Variants in FARS2 observed in about 807,000 individuals in gnomAD.
FARS2 encodes the protein phenylalanine--tRNA ligase, mitochondrial.
In FARS2, 40 loss-of-function variants were observed where a neutral mutation model predicts 46.4. The observed-to-expected ratio is 0.86, with a 90% CI of 0.67 to 1.12. FARS2 has a LOEUF of 1.12. Among genes scored for constraint, FARS2 ranks in the 50% most tolerant of loss-of-function variants. FARS2 has a pLI of 0.00. For synonymous variants in FARS2, 234 were observed against 214.9 expected (o/e 1.09, Z -0.78); for missense variants, 513 against 567.9 (o/e 0.90, Z 0.98).
At chr6:5,760,418 C>T (rs568616045) in intron 6 of FARS2, among the ~76,000 whole-genome samples, 1 of 152,136 alleles carries the variant, frequency 6.6e-6, no homozygotes, top group Non-Finnish European at 1.5e-5. Context: ...CTCAGTAGTT[C>T]TCTCTTATTT....
intron 1 of FARS2, among the ~76,000 whole-genome samples, chr6:5,341,756 C>T (rs1355668530): frequency 6.6e-6 from 1 of 152,010 alleles, no homozygotes; most frequent in Non-Finnish European, 1.5e-5. Context: ...TGACCTCAGG[C>T]GATCCACCCA....
intron 6 of FARS2, among the ~76,000 whole-genome samples, chr6:5,761,996 G>A (rs1166863086): frequency 6.6e-6 from 1 of 152,156 alleles, no homozygotes; most frequent in Non-Finnish European, 1.5e-5. Flanking sequence ...TCAATATAAT[G>A]TGGGTTCCCA....
chr6:5,373,602 C>T (rs879458790), intron 2 of FARS2, among the ~76,000 whole-genome samples: 1 of 152,056 alleles, frequency 6.6e-6, no homozygotes, highest in African/African-American at 2.4e-5. Flanking sequence ...ATGTTTATGC[C>T]ATTGTATTCA....
At chr6:5,497,123 G>A (rs559794490) in intron 4 of FARS2, among the ~76,000 whole-genome samples, 6 of 152,234 alleles carry the variant, frequency 3.9e-5, no homozygotes, top group South Asian at 2.1e-4. Flanking sequence ...ATGAAATCTC[G>A]TGTATGATGA....
chr6:5,474,133 G>A (rs994656596), intron 4 of FARS2, among the ~76,000 whole-genome samples: 2 of 152,070 alleles, frequency 1.3e-5, no homozygotes, highest in Non-Finnish European at 2.9e-5. Context: ...CATACTTCTC[G>A]AGCCATCATC....
rs141449149 is a variant in FARS2 at position 5,453,423 on chromosome 6, C to T, written c.904+22251C>T. Among the ~76,000 whole-genome samples the T allele has an allele frequency of 3.4e-3, 516 of 152,316 alleles. 6 individuals are homozygous for T. Among genetic ancestry groups the T allele is most frequent in the African/African-American group, 0.012 (495 of 41,564 alleles). On this transcript the variant is annotated intron_variant, in intron 4 of 6. Coordinates refer to ENST00000274680, the MANE Select transcript of FARS2 (RefSeq NM_006567.5). ...ATCTACAGTGTCTGCAAGATAAAAACGTGCTCATCCTTTTTCAGAGAAAGC... is the reference window on the plus strand; with the variant it reads ...ATCTACAGTGTCTGCAAGATAAAAATGTGCTCATCCTTTTTCAGAGAAAGC...
intron 6 of FARS2, among the ~76,000 whole-genome samples, chr6:5,757,265 A>G (rs1312361975): frequency 6.6e-6 from 1 of 152,190 alleles, no homozygotes; most frequent in East Asian, 1.9e-4. Context: ...CAATTTTGAA[A>G]GAGTTTATTG....
intron 5 of FARS2, chr6:5,609,475 C>A: frequency 8.3e-7 from 1 of 1,208,176 alleles, no homozygotes; most frequent in South Asian, 1.2e-5. Context: ...TCCGCCCTGC[C>A]ACCATATCCA....
At chr6:5,715,984 C>T (rs1275185701) in intron 6 of FARS2, among the ~76,000 whole-genome samples, 3 of 152,138 alleles carry the variant, frequency 2.0e-5, no homozygotes, top group African/African-American at 7.2e-5. Context: ...GTTATTATCT[C>T]TTTTTTATTA....
intron 6 of FARS2, among the ~76,000 whole-genome samples, chr6:5,646,841 T>TAA (rs1777105475): frequency 6.6e-6 from 1 of 152,246 alleles, no homozygotes; most frequent in Non-Finnish European, 1.5e-5. Context: ...AACCATCTTT[T>TAA]TCTTTTTTCA....
At chr6:5,381,089 C>T (rs1057078135) in intron 2 of FARS2, among the ~76,000 whole-genome samples, 2 of 151,680 alleles carry the variant, frequency 1.3e-5, no homozygotes. Context: ...CAAGCTCCAC[C>T]TCCTGGGTTC....
chr6:5,693,808 C>T lies in FARS2; in HGVS notation c.1218-77483C>T, dbSNP rs190767350. On this transcript the variant is annotated intron_variant, in intron 6 of 6. Coordinates refer to ENST00000274680, the MANE Select transcript of FARS2 (RefSeq NM_006567.5). ...GGGTGATGGCTGGAGAACATTTCAC[C>T]TCTCCAAGCGGCCTGGCCTTCCTTA... Among the ~76,000 whole-genome samples, 20 of 152,278 alleles carry T rather than the reference C, an allele frequency of 1.3e-4. No homozygotes were observed. The East Asian group carries it at 3.7e-3, about 28-fold the overall frequency.
At chr6:5,555,248 C>T (rs1286283770) in intron 5 of FARS2, among the ~76,000 whole-genome samples, 1 of 152,106 alleles carries the variant, frequency 6.6e-6, no homozygotes, top group Non-Finnish European at 1.5e-5. Context: ...TCCCCAGCCA[C>T]ACGGAACTGT....
At position 5,487,790 on chromosome 6, in the gene FARS2, A is replaced by G. The variant is rs138813560; in HGVS notation, c.904+56618A>G. 9.8e-4 allele frequency among the ~76,000 whole-genome samples: 149 copies of G among 152,306 alleles called. 1 individual carries two copies. The highest frequency in any genetic ancestry group is 3.3e-3 in the African/African-American group (138 of 41,570). On this transcript the variant is annotated intron_variant, in intron 4 of 6. Transcript: ENST00000274680. Reference sequence around the variant, plus strand: ...GCTCCAAAGACCTTTGGTCATTGACATACCGTGGTTTTTTTAGATCCTGCA... The same window carrying G: ...GCTCCAAAGACCTTTGGTCATTGACGTACCGTGGTTTTTTTAGATCCTGCA...
intron 4 of FARS2, among the ~76,000 whole-genome samples, chr6:5,497,206 C>T (rs568291536): frequency 2.7e-4 from 41 of 152,248 alleles, no homozygotes; most frequent in Admixed American, 1.4e-3. Flanking sequence ...TACAACAATA[C>T]ATATAATGAT....
At chr6:5,614,188 T>G (rs1775337176) in intron 6 of FARS2, among the ~76,000 whole-genome samples, 1 of 152,144 alleles carries the variant, frequency 6.6e-6, no homozygotes, top group South Asian at 2.1e-4. Flanking sequence ...AGCAGAGAGA[T>G]AAGTGACGTG....
chr6:5,634,446 G>T (rs927038658), intron 6 of FARS2, among the ~76,000 whole-genome samples: 1 of 152,144 alleles, frequency 6.6e-6, no homozygotes, highest in Admixed American at 6.5e-5. Context: ...GGGACCACAG[G>T]TGTATACCAC....
intron 6 of FARS2, among the ~76,000 whole-genome samples, chr6:5,756,572 A>G (rs1429354288): frequency 1.3e-5 from 2 of 152,188 alleles, no homozygotes; most frequent in South Asian, 2.1e-4. Flanking sequence ...CACTATCACA[A>G]GATCAGCAAG....
At position 5,322,039 on chromosome 6, in the gene FARS2, A is replaced by G. The variant is rs893914092; in HGVS notation, c.-21-46511A>G. On this transcript the variant is annotated intron_variant, in intron 1 of 6. Coordinates refer to ENST00000274680, the MANE Select transcript of FARS2 (RefSeq NM_006567.5). ...AAGGGAAGGTTCATTTATTCACCACATGCTACTGGTACCTGTTATATTTTA... is the reference window on the plus strand; with the variant it reads ...AAGGGAAGGTTCATTTATTCACCACGTGCTACTGGTACCTGTTATATTTTA... Among the ~76,000 whole-genome samples, 3 of 152,232 alleles carry G rather than the reference A, an allele frequency of 2.0e-5. 1 individual carries two copies. The South Asian group carries it at 6.2e-4, about 31-fold the overall frequency.
Sources: allele counts gnomAD v4.1 joint callset (sites outside exome capture counted in the v4.1 genomes callset), GRCh38; gene constraint gnomAD v4.1.1; transcripts MANE v1.5; gene names NCBI Gene and HGNC (gene_info 2026-07-23, HGNC 2026-07-21).